SH3D19: variants seen among roughly 807,000 people sequenced by gnomAD.
SH3D19 encodes the protein SH3 domain containing 19, also known as SH3 domain-containing protein 19.
In SH3D19, 58 loss-of-function variants were observed where a neutral mutation model predicts 112.1. That is an observed-to-expected ratio of 0.52 (90% CI 0.42 to 0.64). The LOEUF (loss-of-function observed/expected upper bound fraction) is 0.64. Ranked by LOEUF, SH3D19 falls within the 30% of genes least tolerant of loss-of-function variation. The pLI, the probability that SH3D19 is intolerant of heterozygous loss-of-function variation, is 0.00. For missense variants in SH3D19, 1,090 were observed against 1,263.4 expected (o/e 0.86, Z 2.08); for synonymous variants, 391 against 448.5 (o/e 0.87, Z 1.62).
chr4:151,319,622 A>G (rs1323751549), intron 1 of SH3D19, among the ~76,000 whole-genome samples: 4 of 152,210 alleles, frequency 2.6e-5, no homozygotes, highest in Non-Finnish European at 5.9e-5. Flanking sequence ...AACACACAAT[A>G]GAGGTGACTG....
chr4:151,263,117 G>A (rs972500917), intron 1 of SH3D19, among the ~76,000 whole-genome samples: 1 of 152,124 alleles, frequency 6.6e-6, no homozygotes, highest in African/African-American at 2.4e-5. Context: ...CCTTTCCCCC[G>A]CACAAGTCAG....
intron 9 of SH3D19, among the ~76,000 whole-genome samples, chr4:151,152,552 C>T (rs1396420135): frequency 1.4e-5 from 2 of 142,006 alleles, no homozygotes; most frequent in Non-Finnish European, 3.0e-5. Context: ...TGGAGTCTCA[C>T]TCTGTTGCCC....
At chr4:151,244,199 A>AAACAAC (rs55872637) in intron 1 of SH3D19, among the ~76,000 whole-genome samples, 53,022 of 150,970 alleles carry the variant, frequency 0.35, 10,088 homozygotes, top group Non-Finnish European at 0.44. Context: ...CCCACATCTC[A>AAACAAC]AACAACAACA....
chr4:151,283,303 G>C (rs1474795205), intron 1 of SH3D19: 10 of 1,607,676 alleles, frequency 6.2e-6, no homozygotes, highest in Admixed American at 1.7e-5. Context: ...GTTTGCTCTA[G>C]AGAATTTTTT....
intron 9 of SH3D19, among the ~76,000 whole-genome samples, chr4:151,150,860 G>A (rs761206674): frequency 6.6e-5 from 10 of 151,940 alleles, no homozygotes; most frequent in Non-Finnish European, 1.2e-4. Flanking sequence ...AAGGTAATAC[G>A]TGGAGAATAT....
intron 3 of SH3D19, among the ~76,000 whole-genome samples, chr4:151,185,797 G>GCA (rs912450566): frequency 3.3e-5 from 5 of 152,180 alleles, no homozygotes; most frequent in African/African-American, 1.2e-4. Context: ...TGTAATCCTA[G>GCA]CACTTTGGGA....
chr4:151,156,384 G>C (rs1197774262), intron 9 of SH3D19, among the ~76,000 whole-genome samples: 2 of 152,066 alleles, frequency 1.3e-5, no homozygotes, highest in Non-Finnish European at 2.9e-5. Context: ...TGAGCCAAAA[G>C]AACAAAGGTG....
chr4:151,184,385 T>C (rs940191953), intron 3 of SH3D19, among the ~76,000 whole-genome samples: 5 of 152,186 alleles, frequency 3.3e-5, no homozygotes, highest in Non-Finnish European at 5.9e-5. Context: ...CAAAAGGGAA[T>C]GGCACAATTG....
At chr4:151,222,654 G>GGT (rs1321179938) in intron 2 of SH3D19, among the ~76,000 whole-genome samples, 1 of 89,212 alleles carries the variant, frequency 1.1e-5, no homozygotes, top group Non-Finnish European at 2.5e-5. Context: ...ATATCTCTTT[G>GGT]GTCTCTCTCT....
At chr4:151,176,220 A>G (rs1302499964) in intron 6 of SH3D19, among the ~76,000 whole-genome samples, 1 of 152,218 alleles carries the variant, frequency 6.6e-6, no homozygotes, top group African/African-American at 2.4e-5. Context: ...ATCAAGTATA[A>G]GTTGCTAAAT....
chr4:151,251,996 C>T (rs969515652), intron 1 of SH3D19, among the ~76,000 whole-genome samples: 3 of 152,346 alleles, frequency 2.0e-5, no homozygotes, highest in Non-Finnish European at 4.4e-5. Flanking sequence ...TCCACCACCA[C>T]ACCTGCTGCC....
At chr4:151,136,774 A>G (rs1285292552) in intron 14 of SH3D19, among the ~76,000 whole-genome samples, 8 of 152,202 alleles carry the variant, frequency 5.3e-5, no homozygotes, top group African/African-American at 1.7e-4. Flanking sequence ...CTTAATATTA[A>G]TTTACAGAAT....
chr4:151,185,870 T>C (rs1761691220), intron 3 of SH3D19, among the ~76,000 whole-genome samples: 1 of 152,046 alleles, frequency 6.6e-6, no homozygotes, highest in Admixed American at 6.6e-5. Flanking sequence ...TGAAATCCCA[T>C]CTCTACTAAA....
chr4:151,307,108 T>G (rs939741062), intron 1 of SH3D19, among the ~76,000 whole-genome samples: 1 of 144,354 alleles, frequency 6.9e-6, no homozygotes, highest in African/African-American at 2.6e-5. Flanking sequence ...AAGCTCCGCC[T>G]CCCAGGTTCA....
intron 1 of SH3D19, among the ~76,000 whole-genome samples, chr4:151,231,841 A>G (rs1282750188): frequency 6.6e-6 from 1 of 152,194 alleles, no homozygotes; most frequent in Non-Finnish European, 1.5e-5. Flanking sequence ...TACTCTAATT[A>G]CCCAGGAAGG....
intron 1 of SH3D19, among the ~76,000 whole-genome samples, chr4:151,278,774 G>C (rs1160166006): frequency 6.6e-6 from 1 of 152,138 alleles, no homozygotes; most frequent in Non-Finnish European, 1.5e-5. Flanking sequence ...GGGACTACAG[G>C]CATGCACCAT....
intron 6 of SH3D19, 157 bp from the exon 7 acceptor site, chr4:151,175,831 G>T (rs1759861597): frequency 3.1e-6 from 2 of 643,332 alleles, no homozygotes; most frequent in Non-Finnish European, 4.4e-6. Context: ...ATTCAAAAAT[G>T]GAAATGTTTA....
At chr4:151,309,867 G>C (rs956277987) in intron 1 of SH3D19, among the ~76,000 whole-genome samples, 1 of 152,172 alleles carries the variant, frequency 6.6e-6, no homozygotes, top group Admixed American at 6.5e-5. Context: ...GCACATACTT[G>C]TAGTCCCAGC....
intron 1 of SH3D19, among the ~76,000 whole-genome samples, chr4:151,268,819 T>C (rs1773017357): frequency 6.7e-6 from 1 of 150,350 alleles, no homozygotes; most frequent in African/African-American, 2.4e-5. Context: ...ATGTGCCACA[T>C]TTTCTTAATC....
Sources: gnomAD v4.1 joint callset for allele counts (sites outside exome capture counted in the v4.1 genomes callset) on GRCh38, gnomAD v4.1.1 for gene constraint, MANE v1.5 for transcripts, NCBI Gene and HGNC (gene_info 2026-07-23, HGNC 2026-07-21) for gene names.